The following PTPRG variants were observed in gnomAD, a reference collection of about 807,000 sequenced individuals.
PTPRG encodes protein tyrosine phosphatase receptor type G, also known as receptor-type tyrosine-protein phosphatase gamma.
In PTPRG, 102 loss-of-function variants were observed where a neutral mutation model predicts 165.3. The observed-to-expected ratio is 0.62, with a 90% CI of 0.53 to 0.73. The LOEUF is 0.73. Ranked by LOEUF, PTPRG falls within the 30% of genes least tolerant of loss-of-function variation. PTPRG has a pLI of 0.00. For synonymous variants in PTPRG, 675 were observed against 669.5 expected, an observed-to-expected ratio of 1.01 and a Z score of -0.13; for missense variants, 1,866 against 1,861.4, an observed-to-expected ratio of 1.00 and a Z score of -0.05.
At chr3:61,633,104 A>G (rs753625317) in intron 1 of PTPRG, among the ~76,000 whole-genome samples, 2 of 152,216 alleles carry the variant, frequency 1.3e-5, no homozygotes, top group Non-Finnish European at 2.9e-5. Flanking sequence ...TATCTAAAGC[A>G]CATCCCATCC....
Position 62,191,654 on chromosome 3 carries a change from G to T in PTPRG, c.1218+1G>T. 1 of 1,613,658 alleles carries T rather than the reference G, an allele frequency of 6.2e-7. No individual in the cohort carries two copies. The highest frequency in any genetic ancestry group is 1.1e-5 in the South Asian group (1 of 91,014). Reference sequence around the variant, plus strand: ...TACAAAGGACAGCGACAAAGACTTGGTATGAAGCCCCTCCTCTGATTCAGG... The same window carrying T: ...TACAAAGGACAGCGACAAAGACTTGTTATGAAGCCCCTCCTCTGATTCAGG... On this transcript the variant is annotated splice_donor_variant, in intron 9 of 29. Transcript: ENST00000474889. LOFTEE classifies it high-confidence loss of function.
At chr3:61,987,422 T>G (rs567984738) in intron 2 of PTPRG, among the ~76,000 whole-genome samples, 2 of 152,222 alleles carry the variant, frequency 1.3e-5, no homozygotes, top group African/African-American at 4.8e-5. Context: ...AGAACTAATA[T>G]GAATGGCAAG....
chr3:61,864,115 C>A (rs541012986), intron 2 of PTPRG, among the ~76,000 whole-genome samples: 1 of 152,284 alleles, frequency 6.6e-6, no homozygotes, highest in South Asian at 2.1e-4. Context: ...AAATACCTTA[C>A]CTACCTCCTG....
intron 2 of PTPRG, among the ~76,000 whole-genome samples, chr3:61,868,724 C>T (rs1448141628): frequency 6.6e-6 from 1 of 152,162 alleles, no homozygotes. Flanking sequence ...AGCAAACTCT[C>T]CAGGGTTGTG....
intron 5 of PTPRG, among the ~76,000 whole-genome samples, chr3:62,123,924 G>A (rs936608561): frequency 6.6e-6 from 1 of 151,980 alleles, no homozygotes; most frequent in East Asian, 1.9e-4. Context: ...TAACGTTTTC[G>A]CTCCCCATGG....
intron 5 of PTPRG, among the ~76,000 whole-genome samples, chr3:62,092,283 T>C (rs1285891690): frequency 6.6e-6 from 1 of 150,940 alleles, no homozygotes; most frequent in Non-Finnish European, 1.5e-5. Flanking sequence ...CTACTAAAAA[T>C]ACAAAATTTA....
chr3:61,695,131 C>T (rs958764321), intron 1 of PTPRG, among the ~76,000 whole-genome samples: 1 of 152,096 alleles, frequency 6.6e-6, no homozygotes, highest in South Asian at 2.1e-4. Context: ...CTGCCTCAGC[C>T]TCCTGAGTAG....
At chr3:62,044,548 A>AC (rs1700227935) in intron 4 of PTPRG, among the ~76,000 whole-genome samples, 1 of 151,962 alleles carries the variant, frequency 6.6e-6, no homozygotes, top group Non-Finnish European at 1.5e-5. Context: ...CAAAAAAAAA[A>AC]GGAAAAAAAA....
intron 2 of PTPRG, among the ~76,000 whole-genome samples, chr3:61,891,532 G>A (rs966424077): frequency 6.6e-6 from 1 of 152,006 alleles, no homozygotes; most frequent in South Asian, 2.1e-4. Flanking sequence ...GCCATTTTTT[G>A]GTGAATCAAC....
intron 4 of PTPRG, among the ~76,000 whole-genome samples, chr3:62,036,989 A>ACACACG (rs1699966218): frequency 6.7e-6 from 1 of 148,770 alleles, no homozygotes. Context: ...GCACGCACAC[A>ACACACG]CACACACACA....
intron 1 of PTPRG, among the ~76,000 whole-genome samples, chr3:61,636,770 T>C (rs905299360): frequency 2.4e-4 from 37 of 152,238 alleles, no homozygotes; most frequent in Non-Finnish European, 4.4e-5. Context: ...TAAACATTTG[T>C]TTCAAATGCT....
chr3:61,633,516 A>AT (rs1231073580), intron 1 of PTPRG, among the ~76,000 whole-genome samples: 13 of 152,180 alleles, frequency 8.5e-5, no homozygotes, highest in Admixed American at 3.3e-4. Flanking sequence ...AATACGATTG[A>AT]TTTTTTGTAT....
intron 1 of PTPRG, among the ~76,000 whole-genome samples, chr3:61,679,373 A>T (rs1275813927): frequency 6.6e-6 from 1 of 152,182 alleles, no homozygotes; most frequent in Non-Finnish European, 1.5e-5. Flanking sequence ...GGTGTTTTTC[A>T]TTAAAAGGTA....
At chr3:61,606,468 A>C (rs1431615031) in intron 1 of PTPRG, among the ~76,000 whole-genome samples, 3 of 152,222 alleles carry the variant, frequency 2.0e-5, no homozygotes, top group Non-Finnish European at 4.4e-5. Context: ...GGCCATTGAT[A>C]TACATCTGCA....
At chr3:61,890,423 G>GTTTTTTTTTTTTTTT (rs11328993) in intron 2 of PTPRG, among the ~76,000 whole-genome samples, 4 of 119,232 alleles carry the variant, frequency 3.4e-5, no homozygotes, top group African/African-American at 1.3e-4. Context: ...TTTTTTTTTT[G>GTTTTTTTTTTTTTTT]TTTTTTTTTT....
chr3:61,923,691 T>TA (rs2039137129), intron 2 of PTPRG, among the ~76,000 whole-genome samples: 1 of 118,498 alleles, frequency 8.4e-6, no homozygotes, highest in African/African-American at 3.4e-5. Flanking sequence ...TTATTTTTTG[T>TA]ATTTTTTTTT....
chr3:61,991,827 G>A (rs946908475), intron 3 of PTPRG, among the ~76,000 whole-genome samples: 1 of 152,264 alleles, frequency 6.6e-6, no homozygotes, highest in Non-Finnish European at 1.5e-5. Context: ...AAGATAACAC[G>A]TTTCATTGAC....
At chr3:61,966,624 G>T (rs1031914454) in intron 2 of PTPRG, among the ~76,000 whole-genome samples, 1 of 151,898 alleles carries the variant, frequency 6.6e-6, no homozygotes, top group African/African-American at 2.4e-5. Context: ...TCATTCATTC[G>T]TGTTTTTTTT....
At chr3:61,803,992 T>G (rs1374588633) in intron 2 of PTPRG, among the ~76,000 whole-genome samples, 1 of 152,200 alleles carries the variant, frequency 6.6e-6, no homozygotes, top group Non-Finnish European at 1.5e-5. Context: ...TGGAAAATGC[T>G]TAGATCAAAC....
Sources: allele counts gnomAD v4.1 joint callset (sites outside exome capture counted in the v4.1 genomes callset), GRCh38; gene constraint gnomAD v4.1.1; transcripts MANE v1.5; gene names NCBI Gene and HGNC (gene_info 2026-07-23, HGNC 2026-07-21).